IL1RAPL1: variants seen among roughly 807,000 people sequenced by gnomAD.
IL1RAPL1 encodes the protein interleukin 1 receptor accessory protein like 1.
Under a neutral mutation model 48.4 loss-of-function variants are expected in IL1RAPL1, and 3 were observed. The ratio of observed to expected loss-of-function variants is 0.06; its 90% CI spans 0.03 to 0.16. The LOEUF (loss-of-function observed/expected upper bound fraction) is 0.16, where lower values mean the gene tolerates loss of function less well. Among genes scored for constraint, IL1RAPL1 ranks in the 10% least tolerant of loss-of-function variants. The probability of loss-of-function intolerance (pLI) is 1.00; values close to 1 mark genes in which losing one functional copy is unlikely to be tolerated. For missense variants in IL1RAPL1, 349 were observed against 530.6 expected, an observed-to-expected ratio of 0.66 and a Z score of 3.36; for synonymous variants, 185 against 187.7, an observed-to-expected ratio of 0.99 and a Z score of 0.12.
intron 6 of IL1RAPL1, among the ~76,000 whole-genome samples, chrX:29,707,064 A>T (rs1927217980): frequency 8.9e-6 from 1 of 111,935 alleles, no homozygotes; most frequent in African/African-American, 3.3e-5. Context: ...TGATATCCAG[A>T]ATCTGCAAAG....
chrX:29,702,734 G>A (rs770424051), intron 6 of IL1RAPL1, among the ~76,000 whole-genome samples: 4 of 112,262 alleles, frequency 3.6e-5, no homozygotes, highest in African/African-American at 1.3e-4. Flanking sequence ...AGTGACATGG[G>A]CAGTTTATCC....
chrX:29,421,795 A>G (rs1439257552), intron 5 of IL1RAPL1, among the ~76,000 whole-genome samples: 1 of 111,939 alleles, frequency 8.9e-6, no homozygotes, highest in Non-Finnish European at 1.9e-5. Flanking sequence ...TGCCATAGAA[A>G]AGAGTCTGAA....
intron 2 of IL1RAPL1, among the ~76,000 whole-genome samples, chrX:29,172,902 T>G (rs766591306): frequency 9.0e-6 from 1 of 111,604 alleles, no homozygotes; most frequent in South Asian, 3.8e-4. Flanking sequence ...AACTGGTGAA[T>G]TTGGCATGGG....
chrX:29,314,985 A>G (rs1026993097), intron 3 of IL1RAPL1, among the ~76,000 whole-genome samples: 6 of 112,021 alleles, frequency 5.4e-5, no homozygotes, highest in African/African-American at 1.9e-4. Flanking sequence ...TAGGAATAAC[A>G]TGCCAAGGCA....
chrX:29,450,433 G>A (rs1934666037), intron 5 of IL1RAPL1, among the ~76,000 whole-genome samples: 2 of 111,675 alleles, frequency 1.8e-5, no homozygotes, highest in Non-Finnish European at 3.8e-5. Flanking sequence ...TAGCATGAAA[G>A]CAGTCTTAGA....
chrX:29,238,175 T>G (rs1390865565), intron 2 of IL1RAPL1, among the ~76,000 whole-genome samples: 1 of 111,903 alleles, frequency 8.9e-6, no homozygotes, highest in African/African-American at 3.3e-5. Context: ...CTGCTTCTGT[T>G]ATTCTCAAGC....
chrX:29,865,587 G>T (rs1931671144), intron 6 of IL1RAPL1, among the ~76,000 whole-genome samples: 1 of 105,949 alleles, frequency 9.4e-6, no homozygotes, highest in Non-Finnish European at 1.9e-5. Flanking sequence ...AATGCCTGTG[G>T]TTGCATTGGG....
intron 2 of IL1RAPL1, among the ~76,000 whole-genome samples, chrX:29,020,000 G>A (rs749549576): frequency 1.8e-5 from 2 of 112,411 alleles, no homozygotes; most frequent in Non-Finnish European, 3.8e-5. Flanking sequence ...ATCACCTACA[G>A]CTTTATGTCA....
intron 5 of IL1RAPL1, among the ~76,000 whole-genome samples, chrX:29,608,222 C>T (rs1249738617): frequency 2.7e-5 from 3 of 111,686 alleles, no homozygotes; most frequent in Non-Finnish European, 3.8e-5. Flanking sequence ...AATAGCATTA[C>T]AGCTGGATGT....
chrX:29,410,268 C>G (rs1346676170), intron 5 of IL1RAPL1, among the ~76,000 whole-genome samples: 1 of 110,016 alleles, frequency 9.1e-6, no homozygotes, highest in Non-Finnish European at 1.9e-5. Context: ...CGAGACCATC[C>G]TGGCCAATGT....
intron 2 of IL1RAPL1, among the ~76,000 whole-genome samples, chrX:28,853,920 T>A (rs1196861398): frequency 8.9e-6 from 1 of 111,768 alleles, no homozygotes; most frequent in Non-Finnish European, 1.9e-5. Context: ...AAGGTACAAT[T>A]TGATAATATC....
At chrX:29,474,522 C>T (rs1032237882) in intron 5 of IL1RAPL1, among the ~76,000 whole-genome samples, 1 of 111,719 alleles carries the variant, frequency 9.0e-6, no homozygotes. Flanking sequence ...AATTTATAAA[C>T]AAAAGAGGTT....
intron 2 of IL1RAPL1, among the ~76,000 whole-genome samples, chrX:29,020,560 C>T (rs993817427): frequency 2.7e-5 from 3 of 111,830 alleles, no homozygotes; most frequent in Non-Finnish European, 5.6e-5. Context: ...AATCACCTAA[C>T]GATGCTTTTC....
chrX:29,690,646 T>C (rs1926748060), intron 6 of IL1RAPL1, among the ~76,000 whole-genome samples: 1 of 112,250 alleles, frequency 8.9e-6, no homozygotes, highest in African/African-American at 3.2e-5. Flanking sequence ...AACAAAAGTA[T>C]TTCTATGAGT....
At chrX:28,911,717 A>C (rs1039169296) in intron 2 of IL1RAPL1, among the ~76,000 whole-genome samples, 25 of 110,856 alleles carry the variant, frequency 2.3e-4, no homozygotes, top group African/African-American at 8.2e-4. Flanking sequence ...CTATGTCCAG[A>C]AATGGCACTT....
intron 2 of IL1RAPL1, among the ~76,000 whole-genome samples, chrX:28,816,276 C>T (rs147888106): frequency 0.011 from 1,163 of 109,336 alleles, 10 homozygotes; most frequent in Non-Finnish European, 0.017. Context: ...TCAGGGGGCA[C>T]GTTTGAAGGT....
chrX:29,789,780 C>CTTTTTTT (rs143889631), intron 6 of IL1RAPL1, among the ~76,000 whole-genome samples: 2 of 81,887 alleles, frequency 2.4e-5, no homozygotes, highest in Admixed American at 1.4e-4. Context: ...TCATGAGTTT[C>CTTTTTTT]TTTTTTTTTT....
intron 2 of IL1RAPL1, among the ~76,000 whole-genome samples, chrX:29,241,794 T>C (rs1236407784): frequency 1.8e-5 from 2 of 112,258 alleles, no homozygotes. Context: ...GGAATAGACT[T>C]GATACTAGAA....
At chrX:29,187,820 AC>A (rs929539764) in intron 2 of IL1RAPL1, among the ~76,000 whole-genome samples, 9 of 111,185 alleles carry the variant, frequency 8.1e-5, no homozygotes, top group Non-Finnish European at 1.7e-4. Flanking sequence ...TTTAGATTCC[AC>A]CATGCTGCCA....
Sources: allele counts gnomAD v4.1 joint callset (sites outside exome capture counted in the v4.1 genomes callset), GRCh38; gene constraint gnomAD v4.1.1; transcripts MANE v1.5; gene names NCBI Gene and HGNC (gene_info 2026-07-23, HGNC 2026-07-21).